Variants in EIF2AK3 observed in about 807,000 individuals in gnomAD.
EIF2AK3 encodes the protein eukaryotic translation initiation factor 2 alpha kinase 3.
In EIF2AK3, 50 loss-of-function variants were observed where a neutral mutation model predicts 113.5. The observed-to-expected ratio is 0.44, with a 90% CI of 0.35 to 0.56. The LOEUF (loss-of-function observed/expected upper bound fraction) is 0.56, where lower values mean the gene tolerates loss of function less well. EIF2AK3 is among the 20% of genes least tolerant of loss of function. The pLI, the probability that EIF2AK3 is intolerant of heterozygous loss-of-function variation, is 0.00. For missense variants in EIF2AK3, 1,185 were observed against 1,378.0 expected (o/e 0.86, Z 2.22); for synonymous variants, 448 against 495.4 (o/e 0.90, Z 1.27).
At chr2:88,601,589 GAA>G (rs374609567) in intron 2 of EIF2AK3, among the ~76,000 whole-genome samples, 140 of 152,278 alleles carry the variant, frequency 9.2e-4, no homozygotes, top group African/African-American at 3.3e-3. Context: ...CCCTTTACAG[GAA>G]AAGTTTGCTG....
rs1220158105 is a variant in EIF2AK3, at chr2:88,571,045, G to C, written c.2818-4C>G. On this transcript the variant is annotated splice_region_variant and splice_polypyrimidine_tract_variant and intron_variant, in intron 13 of 16. Coordinates refer to ENST00000303236, the MANE Select transcript of EIF2AK3 (RefSeq NM_004836.7). Reference sequence around the variant, plus strand: ...TTGTAAAGAATATGTTGGATGGCTGGAAAGAATACAACAGACAAAAGTACA... The same window carrying C: ...TTGTAAAGAATATGTTGGATGGCTGCAAAGAATACAACAGACAAAAGTACA... The C allele has an allele frequency of 6.2e-7, 1 of 1,613,982 alleles. No homozygotes were observed. Among genetic ancestry groups the C allele is most frequent in the African/African-American group, 1.3e-5 (1 of 74,888 alleles).
At chr2:88,593,509 A>T in intron 3 of EIF2AK3, 104 bp from the exon 4 acceptor site, 1 of 1,378,638 alleles carries the variant, frequency 7.3e-7, no homozygotes, top group Non-Finnish European at 1.0e-6. Flanking sequence ...AAGGAAACTA[A>T]GGAAATGTGT....
At chr2:88,604,584 C>A (rs1675224483) in intron 2 of EIF2AK3, among the ~76,000 whole-genome samples, 1 of 152,216 alleles carries the variant, frequency 6.6e-6, no homozygotes, top group Non-Finnish European at 1.5e-5. Context: ...GCCTCCCTAG[C>A]TGGCTCCACA....
At chr2:88,609,612 C>T (rs1675379529) in intron 2 of EIF2AK3, among the ~76,000 whole-genome samples, 1 of 152,132 alleles carries the variant, frequency 6.6e-6, no homozygotes, top group African/African-American at 2.4e-5. Flanking sequence ...CATGCTAAAG[C>T]ATGTCTTGAG....
intron 12 of EIF2AK3, chr2:88,575,677 T>C (rs947087130): frequency 5.6e-6 from 3 of 535,816 alleles, no homozygotes; most frequent in African/African-American, 1.9e-5. Flanking sequence ...ATGAAACAGT[T>C]ACCTGGGACT....
At chr2:88,590,296 G>C (rs908120302) in intron 6 of EIF2AK3, 147 bp downstream of exon 6, 1 of 814,596 alleles carries the variant, frequency 1.2e-6, no homozygotes, top group South Asian at 1.6e-5. Context: ...AATGGAAATC[G>C]AAGTATAAAT....
chr2:88,574,566 C>T, intron 13 of EIF2AK3, 100 bp downstream of exon 13: 1 of 1,417,062 alleles, frequency 7.1e-7, no homozygotes, highest in Non-Finnish European at 9.7e-7. Context: ...TGCTTTTACT[C>T]TCCCCAACTC....
At position 88,625,082 on chromosome 2, in the gene EIF2AK3, G is replaced by A. The variant is rs558293022; in HGVS notation, c.308+1885C>T. ...ACTTTAACGTGCATGTGAATCACAC[G>A]GTGATCTTGTTAAAATGCAGATACT... On this transcript the variant is annotated intron_variant, in intron 1 of 16. Coordinates refer to ENST00000303236, the MANE Select transcript of EIF2AK3 (RefSeq NM_004836.7). Among the ~76,000 whole-genome samples the A allele has an allele frequency of 5.3e-4, 80 of 152,270 alleles. 1 individual carries two copies. The highest frequency in any genetic ancestry group is 1.9e-3 in the African/African-American group (77 of 41,548).
chr2:88,622,611 A>G (rs1675755286), intron 1 of EIF2AK3, among the ~76,000 whole-genome samples: 1 of 152,252 alleles, frequency 6.6e-6, no homozygotes, highest in Admixed American at 6.5e-5. Flanking sequence ...TGCCTGAAGT[A>G]TATTTATTTT....
chr2:88,605,709 T>C (rs1168267052), intron 2 of EIF2AK3, among the ~76,000 whole-genome samples: 1 of 152,078 alleles, frequency 6.6e-6, no homozygotes, highest in African/African-American at 2.4e-5. Context: ...TAAATCTTAA[T>C]TAACCAAAAT....
At chr2:88,621,977 A>G (rs1214666631) in intron 1 of EIF2AK3, among the ~76,000 whole-genome samples, 2 of 150,686 alleles carry the variant, frequency 1.3e-5, no homozygotes, top group African/African-American at 2.4e-5. Context: ...GTTCACAGCA[A>G]ACTCTGCATC....
intron 2 of EIF2AK3, among the ~76,000 whole-genome samples, chr2:88,613,022 C>A (rs1038112333): frequency 8.5e-5 from 13 of 152,164 alleles, no homozygotes; most frequent in Admixed American, 5.2e-4. Flanking sequence ...CTTAATCCAT[C>A]AGAATTGAAA....
intron 14 of EIF2AK3, among the ~76,000 whole-genome samples, chr2:88,564,383 G>T (rs1674046468): frequency 6.6e-6 from 1 of 152,156 alleles, no homozygotes; most frequent in Non-Finnish European, 1.5e-5. Context: ...GTTTAAAGAG[G>T]ATTAAGAAGA....
chr2:88,627,425 C>G lies in EIF2AK3; in HGVS notation c.-151G>C, dbSNP rs917897447. The G allele has an allele frequency of 4.0e-6, 4 of 994,012 alleles. No individual in the cohort carries two copies. The highest frequency in any genetic ancestry group is 5.3e-6 in the Non-Finnish European group (4 of 756,228). The allele number at this position is 994,012 out of a possible 1,614,324, so 61.6% of individuals were successfully genotyped here. On this transcript the variant is annotated 5_prime_UTR_variant, in exon 1 of 17. Coordinates refer to ENST00000303236, the MANE Select transcript of EIF2AK3 (RefSeq NM_004836.7). ...GCCAGCCGTGTTCCCCTGGCCACGTCTCAGCCCGGCCTCTGCCGCTGCCAC... is the reference window on the plus strand; with the variant it reads ...GCCAGCCGTGTTCCCCTGGCCACGTGTCAGCCCGGCCTCTGCCGCTGCCAC...
At chr2:88,624,206 C>T (rs58724057) in intron 1 of EIF2AK3, among the ~76,000 whole-genome samples, 21,369 of 151,966 alleles carry the variant, frequency 0.14, 2,493 homozygotes, top group African/African-American at 0.32. Flanking sequence ...TTGGCCAGGC[C>T]GGTCTCAAAC....
intron 2 of EIF2AK3, among the ~76,000 whole-genome samples, chr2:88,602,376 T>A (rs1325220949): frequency 6.6e-6 from 1 of 152,084 alleles, no homozygotes; most frequent in African/African-American, 2.4e-5. Flanking sequence ...GCCCTGATAG[T>A]TAACAAAAGC....
rs1430882440 is a variant in EIF2AK3 at position 88,627,266 on chromosome 2, G to A, written c.9C>T (p.Arg3=). Residue 3 remains arginine, a synonymous_variant, in exon 1 of 17, where the codon CGC becomes CGT. Transcript: ENST00000303236. The part of the protein sequence containing the change: ME[R]AISPGLLVRA... The stretch of plus-strand genomic sequence containing the variant: ...GTACCAGCAGCCCCGGGCTGATGGC[G>A]CGCTCCATCAGCGTCCCGCCCCGCG... The A allele has an allele frequency of 5.4e-6, 8 of 1,485,702 alleles. No individual in the cohort carries two copies. The highest frequency in any genetic ancestry group is 6.2e-6 in the Non-Finnish European group (7 of 1,123,938). 92.0% of individuals were successfully genotyped at this position (1,485,702 alleles called of 1,614,324 possible).
chr2:88,597,401 C>A (rs916875873), intron 2 of EIF2AK3, among the ~76,000 whole-genome samples: 1 of 152,060 alleles, frequency 6.6e-6, no homozygotes, highest in African/African-American at 2.4e-5. Context: ...CTTGTTATGA[C>A]ACTATTCAAA....
At chr2:88,571,139 A>C in intron 13 of EIF2AK3, 98 bp from the exon 14 acceptor site, 1 of 1,360,898 alleles carries the variant, frequency 7.3e-7, no homozygotes, top group South Asian at 1.2e-5. Context: ...AATACAACAA[A>C]CTAGATATTT....
Sources: allele counts gnomAD v4.1 joint callset (sites outside exome capture counted in the v4.1 genomes callset), GRCh38; gene constraint gnomAD v4.1.1; transcripts MANE v1.5; gene names NCBI Gene and HGNC (gene_info 2026-07-23, HGNC 2026-07-21).